Variants in B3GALNT2 observed in about 807,000 individuals in gnomAD.
B3GALNT2 encodes the protein beta-1,3-N-acetylgalactosaminyltransferase 2.
A neutral mutation model predicts 61.1 loss-of-function variants in B3GALNT2; 53 were observed. The ratio of observed to expected loss-of-function variants is 0.87; its 90% CI spans 0.70 to 1.09. B3GALNT2 has a LOEUF of 1.09. Ranked by LOEUF, B3GALNT2 falls within the 50% of genes least tolerant of loss-of-function variation. B3GALNT2 has a pLI of 0.00. For missense variants in B3GALNT2, 544 were observed against 623.0 expected, an observed-to-expected ratio of 0.87 and a Z score of 1.35; for synonymous variants, 223 against 237.4, an observed-to-expected ratio of 0.94 and a Z score of 0.56.
chr1:235,480,209 A>C (rs1684495363), intron 4 of B3GALNT2, 60 bp from the exon 5 acceptor site: 2 of 1,589,154 alleles, frequency 1.3e-6, no homozygotes, highest in Non-Finnish European at 1.7e-6. Flanking sequence ...GCATATGCAA[A>C]AAGTTTTCAA....
intron 1 of B3GALNT2, chr1:235,496,399 T>C (rs909278290): frequency 5.1e-6 from 4 of 778,742 alleles, no homozygotes; most frequent in African/African-American, 1.9e-5. Flanking sequence ...CGAATTCTTT[T>C]ATAAAGACAA....
chr1:235,498,492 A>C (rs1421082218), intron 1 of B3GALNT2, among the ~76,000 whole-genome samples: 4 of 152,192 alleles, frequency 2.6e-5, no homozygotes, highest in Non-Finnish European at 4.4e-5. Flanking sequence ...TTCTTAAATG[A>C]TTGTAACTAA....
chr1:235,462,040 G>A (rs1683458421), intron 7 of B3GALNT2, among the ~76,000 whole-genome samples: 1 of 152,182 alleles, frequency 6.6e-6, no homozygotes, highest in Non-Finnish European at 1.5e-5. Flanking sequence ...GGTAGGTGAG[G>A]CTAAGCTATA....
At chr1:235,476,514 G>C (rs919198186) in intron 5 of B3GALNT2, among the ~76,000 whole-genome samples, 1 of 151,902 alleles carries the variant, frequency 6.6e-6, no homozygotes, top group Non-Finnish European at 1.5e-5. Context: ...AGAAGTTCAA[G>C]ACCAGCCTGC....
rs1342408775 is a variant in B3GALNT2 at position 235,474,984 on chromosome 1, TATA to T, written c.652-4027_652-4025del. 4.8e-3 allele frequency among the ~76,000 whole-genome samples: 136 copies of T among 28,466 alleles called. 1 individual carries two copies. Among genetic ancestry groups the T allele is most frequent in the South Asian group, 6.4e-3 (4 of 628 alleles). 18.7% of individuals were successfully genotyped at this position (28,466 alleles called of 152,430 possible). ...ATATATATATATATATATATATATA[TATA>T]TTTTTTTTTTTTTTTTTTTTTTTGA... On this transcript the variant is annotated intron_variant, in intron 5 of 11. Transcript: ENST00000366600.
chr1:235,474,504 A>C (rs1037268423), intron 5 of B3GALNT2, among the ~76,000 whole-genome samples: 1 of 152,044 alleles, frequency 6.6e-6, no homozygotes, highest in African/African-American at 2.4e-5. Flanking sequence ...ACTATATATA[A>C]AGAATTTCAA....
chr1:235,459,573 T>C (rs1247987097), intron 7 of B3GALNT2, among the ~76,000 whole-genome samples: 1 of 152,110 alleles, frequency 6.6e-6, no homozygotes, highest in Non-Finnish European at 1.5e-5. Context: ...CAGTGAGCTA[T>C]GATTACACCA....
intron 6 of B3GALNT2, 161 bp from the exon 7 acceptor site, chr1:235,465,875 G>T: frequency 1.4e-6 from 1 of 712,924 alleles, no homozygotes; most frequent in Admixed American, 3.0e-5. Context: ...GATGACATAC[G>T]GTATTCTACT....
At position 235,484,416 on chromosome 1, in the gene B3GALNT2, G is replaced by A; in HGVS notation, c.461C>T (p.Pro154Leu). 6.2e-7 allele frequency: 1 copy of A among 1,614,180 alleles called. No individual in the cohort carries two copies. The highest frequency in any genetic ancestry group is 8.5e-7 in the Non-Finnish European group (1 of 1,180,022). The part of the protein sequence containing the change: ...VVSVSFRVLY[P>L]IVITSLGVFY... ...CACTCCAAGACTGGTAATAACGATGGGGTAGAGAACTCGGAAACTCACGCT... is the reference window on the plus strand; with the variant it reads ...CACTCCAAGACTGGTAATAACGATGAGGTAGAGAACTCGGAAACTCACGCT... Residue 154 changes from proline (P) to leucine (L), a missense_variant, in exon 4 of 12, where the codon CCC becomes CTC. Physicochemically the swap from Pro to Leu is moderately conservative, Grantham distance 98. Coordinates refer to ENST00000366600, the MANE Select transcript of B3GALNT2 (RefSeq NM_152490.5).
chr1:235,465,350 C>T lies in B3GALNT2; in HGVS notation c.841+286G>A, dbSNP rs115029704. On this transcript the variant is annotated intron_variant, in intron 7 of 11. Transcript: ENST00000366600. Reference sequence around the variant, plus strand: ...ATTTATGTGAAATGTTCAAAACAGGCAAATCCATAGAGAAAGAAAGTGCAT... The same window carrying T: ...ATTTATGTGAAATGTTCAAAACAGGTAAATCCATAGAGAAAGAAAGTGCAT... 1,410 of 287,106 alleles carry T rather than the reference C, an allele frequency of 4.9e-3. 17 individuals are homozygous for T. Among genetic ancestry groups the T allele is most frequent in the African/African-American group, 0.034 (1,255 of 37,276 alleles). 17.8% of individuals were successfully genotyped at this position (287,106 alleles called of 1,614,324 possible).
intron 5 of B3GALNT2, among the ~76,000 whole-genome samples, chr1:235,471,280 C>T (rs1183283446): frequency 2.6e-5 from 4 of 152,152 alleles, no homozygotes; most frequent in Non-Finnish European, 5.9e-5. Context: ...TGTATAACAT[C>T]CCAATGAGCA....
At chr1:235,455,176 C>T (rs1683104729) in intron 9 of B3GALNT2, among the ~76,000 whole-genome samples, 1 of 152,074 alleles carries the variant, frequency 6.6e-6, no homozygotes, top group African/African-American at 2.4e-5. Context: ...GGCTGGAGTG[C>T]AGTTGCAAAA....
Position 235,455,647 on chromosome 1 carries a change from T to C in B3GALNT2, c.1063A>G (p.Thr355Ala), listed in dbSNP as rs1263073358. The C allele has an allele frequency of 6.2e-7, 1 of 1,606,154 alleles. No homozygotes were observed. Among genetic ancestry groups the C allele is most frequent in the African/African-American group, 1.3e-5 (1 of 74,690 alleles). The stretch of plus-strand genomic sequence containing the variant: ...AGGTCTATGTAACAGTCATCATCTG[T>C]CTTCAGCAACAAATTGAAGCTCGTT... ...ETTSFNLLLK[T>A]DDDCYIDLEA... Residue 355 changes from threonine to alanine, a missense_variant, in exon 9 of 12, where the codon ACA becomes GCA. Coordinates refer to ENST00000366600, the MANE Select transcript of B3GALNT2 (RefSeq NM_152490.5).
At chr1:235,501,833 T>A (rs1685595611) in intron 1 of B3GALNT2, among the ~76,000 whole-genome samples, 1 of 152,066 alleles carries the variant, frequency 6.6e-6, no homozygotes. Context: ...TTTTCTCCTG[T>A]TAGGCTTAAA....
intron 1 of B3GALNT2, among the ~76,000 whole-genome samples, chr1:235,499,264 T>A (rs1294167211): frequency 6.6e-6 from 1 of 152,180 alleles, no homozygotes; most frequent in Non-Finnish European, 1.5e-5. Context: ...AGTACAAAAG[T>A]AGCCAAATTT....
chr1:235,474,973 ATATATATATATATATTTTTTTTTT>A (rs1558425324), intron 5 of B3GALNT2, among the ~76,000 whole-genome samples: 1 of 29,768 alleles, frequency 3.4e-5, no homozygotes, highest in Admixed American at 4.9e-4. Context: ...ATATATATAT[ATATATATATATATATTTTTTTTTT>A]TTTTTTTTTT....
chr1:235,486,368 A>G (rs1684805023), intron 3 of B3GALNT2, among the ~76,000 whole-genome samples: 1 of 152,244 alleles, frequency 6.6e-6, no homozygotes, highest in South Asian at 2.1e-4. Context: ...AATAACAGAT[A>G]TCCATAGTAG....
At chr1:235,452,731 T>C (rs1217271595) in intron 11 of B3GALNT2, among the ~76,000 whole-genome samples, 4 of 152,052 alleles carry the variant, frequency 2.6e-5, no homozygotes, top group East Asian at 3.9e-4. Flanking sequence ...TTTGTAGTTT[T>C]TGTAGAGACG....
intron 10 of B3GALNT2, 28 bp from the exon 11 acceptor site, chr1:235,453,174 T>C: frequency 6.3e-7 from 1 of 1,579,238 alleles, no homozygotes; most frequent in Non-Finnish European, 8.7e-7. Flanking sequence ...AGTTTAAATG[T>C]AAAAATTTTA....
Sources: allele counts gnomAD v4.1 joint callset (sites outside exome capture counted in the v4.1 genomes callset), GRCh38; gene constraint gnomAD v4.1.1; transcripts MANE v1.5; gene names NCBI Gene and HGNC (gene_info 2026-07-23, HGNC 2026-07-21).